TSGA10: variants seen among roughly 807,000 people sequenced by gnomAD.
TSGA10 encodes the protein testis specific 10, also known as testis-specific gene 10 protein.
TSGA10 carries 43 observed loss-of-function variants against 96.6 expected under a neutral mutation model. The observed-to-expected ratio is 0.44, with a 90% CI of 0.35 to 0.57. The LOEUF (loss-of-function observed/expected upper bound fraction) is 0.57. TSGA10 is among the 20% of genes least tolerant of loss of function. TSGA10 has a pLI of 0.01. For missense variants in TSGA10, 703 were observed against 834.4 expected (o/e 0.84, Z 1.94); for synonymous variants, 229 against 269.9 (o/e 0.85, Z 1.48).
chr2:99,023,609 T>C (rs1173944313), intron 17 of TSGA10, among the ~76,000 whole-genome samples: 1 of 152,214 alleles, frequency 6.6e-6, no homozygotes, highest in Non-Finnish European at 1.5e-5. Context: ...CTTTTCCACA[T>C]AGATATTAGG....
Position 99,108,833 on chromosome 2 carries a change from C to T in TSGA10, c.210G>A (p.Gln70=), listed in dbSNP as rs1442960289. ...ERDKIFLLYE[Q]AQEEITRLRR... ...TATAATTTGTTTTTTGTAAGTTTAC[C>T]TGTTCATAAAGAAGGAAGATCTTGT... Residue 70 remains glutamine (Q), a splice_region_variant and synonymous_variant, in exon 7 of 21, where the codon CAG becomes CAA. Transcript: ENST00000393483. The T allele has an allele frequency of 4.5e-6, 7 of 1,547,210 alleles. No homozygotes were observed. The East Asian group carries it at 1.4e-4, about 31-fold the overall frequency.
At position 99,108,990 on chromosome 2, in the gene TSGA10, C is replaced by A. The variant is rs2104840812; in HGVS notation, c.53G>T (p.Gly18Val). The change falls in exon 7 of 21, where the codon GGT becomes GTT. Residue 18 changes from glycine (G) to valine (V), a missense_variant and splice_region_variant. Coordinates refer to ENST00000393483, the MANE Select transcript of TSGA10 (RefSeq NM_025244.4). ...SPRRPSPTARGANCDVELLKT... is the reference protein window; with the variant it reads ...SPRRPSPTARVANCDVELLKT... ...CAAAAGTTCTACATCACAGTTTGCA[C>A]CCTATAATTATATAAGGAATTTGAA... The A allele has an allele frequency of 6.5e-7, 1 of 1,544,606 alleles. No homozygotes were observed. The highest frequency in any genetic ancestry group is 8.7e-7 in the Non-Finnish European group (1 of 1,154,162).
At chr2:99,094,744 T>TA (rs2104715829) in intron 10 of TSGA10, among the ~76,000 whole-genome samples, 1 of 152,116 alleles carries the variant, frequency 6.6e-6, no homozygotes, top group African/African-American at 2.4e-5. Flanking sequence ...TCAAAAAAAT[T>TA]AAAAACCAAC....
intron 1 of TSGA10, among the ~76,000 whole-genome samples, chr2:99,127,551 T>C (rs1339283183): frequency 2.0e-5 from 3 of 152,216 alleles, no homozygotes; most frequent in East Asian, 3.9e-4. Context: ...GCAATTAATA[T>C]CACAAAGAGT....
intron 9 of TSGA10, 72 bp downstream of exon 9, chr2:99,105,287 A>G (rs1316273738): frequency 7.7e-7 from 1 of 1,304,280 alleles, no homozygotes; most frequent in Admixed American, 2.2e-5. Context: ...CTCTGAATAC[A>G]GAAAAAGGAG....
chr2:99,074,603 G>T (rs967003060), intron 12 of TSGA10, among the ~76,000 whole-genome samples: 6 of 152,108 alleles, frequency 3.9e-5, no homozygotes, highest in Non-Finnish European at 5.9e-5. Flanking sequence ...ACACATTTTT[G>T]AAATATAATT....
chr2:99,148,211 C>G (rs1053070423), intron 1 of TSGA10: 2 of 152,064 alleles, frequency 1.3e-5, no homozygotes, highest in African/African-American at 4.8e-5. Flanking sequence ...TGTTTAGATT[C>G]AAGTTATGCA....
At position 99,109,457 on chromosome 2, in the gene TSGA10, C is replaced by T; in HGVS notation, c.-18G>A. On this transcript the variant is annotated 5_prime_UTR_variant, in exon 6 of 21. Transcript: ENST00000393483. ...CGCATCATCTTTCTCAAATGTTGAGCTTCACTCTTATAGTGATCTTTGTCT... is the reference window on the plus strand; with the variant it reads ...CGCATCATCTTTCTCAAATGTTGAGTTTCACTCTTATAGTGATCTTTGTCT... 1 of 1,613,828 alleles carries T rather than the reference C, an allele frequency of 6.2e-7. No individual in the cohort carries two copies. The highest frequency in any genetic ancestry group is 1.1e-5 in the South Asian group (1 of 91,070).
At chr2:99,135,720 C>T (rs1279664225) in intron 1 of TSGA10, among the ~76,000 whole-genome samples, 1 of 152,064 alleles carries the variant, frequency 6.6e-6, no homozygotes, top group Admixed American at 6.6e-5. Context: ...ATAAGAGTAT[C>T]TGCATTGGCT....
At position 99,116,008 on chromosome 2, in the gene TSGA10, ATTACT is replaced by A. The variant is rs533630594; in HGVS notation, c.-140+1531_-140+1535del. On this transcript the variant is annotated intron_variant, in intron 4 of 20. Coordinates refer to ENST00000393483, the MANE Select transcript of TSGA10 (RefSeq NM_025244.4). ...GTCATCAATTGGACTCATATTTCAA[ATTACT>A]TTAACAGTGACTTCAATAACGTTTC... Among the ~76,000 whole-genome samples, 8 of 152,322 alleles carry A rather than the reference ATTACT, an allele frequency of 5.3e-5. No homozygotes were observed. The South Asian group carries it at 1.7e-3, about 32-fold the overall frequency.
chr2:99,147,920 T>TAACCACAATATATAACCACA (rs2093648802), intron 1 of TSGA10, among the ~76,000 whole-genome samples: 1 of 152,206 alleles, frequency 6.6e-6, no homozygotes, highest in African/African-American at 2.4e-5. Context: ...ACAATACAAT[T>TAACCACAATATATAACCACA]ATCATATTCA....
intron 1 of TSGA10, among the ~76,000 whole-genome samples, chr2:99,136,210 TCA>T (rs2093321644): frequency 6.6e-6 from 1 of 152,286 alleles, no homozygotes; most frequent in South Asian, 2.1e-4. Context: ...AAAAATTATC[TCA>T]GTTACATTTC....
chr2:99,120,740 A>G (rs1574528112), intron 2 of TSGA10, among the ~76,000 whole-genome samples: 1 of 152,280 alleles, frequency 6.6e-6, no homozygotes. Flanking sequence ...ATGGTGTTCT[A>G]TATGATTTTT....
At chr2:99,111,469 G>A (rs530026081) in intron 4 of TSGA10, among the ~76,000 whole-genome samples, 1 of 152,250 alleles carries the variant, frequency 6.6e-6, no homozygotes, top group East Asian at 1.9e-4. Flanking sequence ...AAGCAGTAAA[G>A]TTCTTTGCTA....
intron 12 of TSGA10, among the ~76,000 whole-genome samples, chr2:99,077,376 A>C (rs2086838964): frequency 6.6e-6 from 1 of 152,098 alleles, no homozygotes; most frequent in Non-Finnish European, 1.5e-5. Context: ...GAATGGATGG[A>C]TGGAAACATA....
chr2:99,143,828 G>A (rs2105123835), intron 1 of TSGA10, among the ~76,000 whole-genome samples: 1 of 152,072 alleles, frequency 6.6e-6, no homozygotes, highest in East Asian at 1.9e-4. Flanking sequence ...CACCTTCTAA[G>A]GTCTTGGTTT....
chr2:99,033,523 G>A (rs976307016), intron 17 of TSGA10, among the ~76,000 whole-genome samples: 4 of 152,166 alleles, frequency 2.6e-5, no homozygotes, highest in Admixed American at 6.6e-5. Context: ...GTCACTTCAG[G>A]GGAGAATGAC....
intron 10 of TSGA10, among the ~76,000 whole-genome samples, chr2:99,083,706 C>A (rs1370739809): frequency 6.6e-6 from 1 of 151,998 alleles, no homozygotes; most frequent in African/African-American, 2.4e-5. Context: ...AGTTTTCAAG[C>A]GAATCTTGAA....
intron 15 of TSGA10, among the ~76,000 whole-genome samples, chr2:99,067,259 C>A (rs754734999): frequency 6.6e-5 from 10 of 152,216 alleles, no homozygotes; most frequent in Admixed American, 1.3e-4. Flanking sequence ...GTACTCCACA[C>A]TTCTTGATGG....
Sources: gnomAD v4.1 joint callset for allele counts (sites outside exome capture counted in the v4.1 genomes callset) on GRCh38, gnomAD v4.1.1 for gene constraint, MANE v1.5 for transcripts, NCBI Gene and HGNC (gene_info 2026-07-23, HGNC 2026-07-21) for gene names.